Variants in PPP1R14A observed in about 807,000 individuals in gnomAD.
The protein encoded by PPP1R14A is protein phosphatase 1 regulatory inhibitor subunit 14A.
Under a neutral mutation model 14.1 loss-of-function variants are expected in PPP1R14A, and 9 were observed. The ratio of observed to expected loss-of-function variants is 0.64; its 90% CI spans 0.38 to 1.11. The LOEUF (loss-of-function observed/expected upper bound fraction) is 1.11. Among genes scored for constraint, PPP1R14A ranks in the 50% most tolerant of loss-of-function variants. The pLI, the probability that PPP1R14A is intolerant of heterozygous loss-of-function variation, is 0.01. For synonymous variants in PPP1R14A, 93 were observed against 88.7 expected (o/e 1.05, Z -0.27); for missense variants, 208 against 200.7 (o/e 1.04, Z -0.22).
Position 38,252,838 on chromosome 19 carries a change from T to A in PPP1R14A, c.282+56A>T. The A allele has an allele frequency of 3.2e-6, 4 of 1,237,460 alleles. No individual in the cohort carries two copies. The highest frequency in any genetic ancestry group is 4.8e-6 in the Non-Finnish European group (4 of 836,720). 76.7% of individuals were successfully genotyped at this position (1,237,460 alleles called of 1,614,324 possible). A position where few individuals can be genotyped will look rare whatever the true frequency, so the allele number is the denominator to read the frequency against. On this transcript the variant is annotated intron_variant, in intron 2 of 3. Transcript: ENST00000301242. This position sits in a 1 kb window ranked among gnomAD's most constrained non-coding sequence, Gnocchi z 4.1. ...ACTCAGTAAACACGTGAACTATTGC[T>A]ATTATTTTTAGGGAGGTGCAAAGTG...
chr19:38,255,233 C>T (rs568988205), intron 1 of PPP1R14A, among the ~76,000 whole-genome samples: 5 of 152,194 alleles, frequency 3.3e-5, no homozygotes, highest in Non-Finnish European at 7.3e-5. Context: ...AAGCAATCCT[C>T]CCACCTCAGC....
chr19:38,251,945 T>G, intron 3 of PPP1R14A: 1 of 385,034 alleles, frequency 2.6e-6, no homozygotes, highest in Non-Finnish European at 4.7e-6. Context: ...CCTGGGAGGA[T>G]GGAGGGCCCC....
chr19:38,252,352 C>A lies in PPP1R14A; in HGVS notation c.283-14G>T. 1 of 1,612,180 alleles carries A rather than the reference C, an allele frequency of 6.2e-7. No individual in the cohort carries two copies. The highest frequency in any genetic ancestry group is 8.5e-7 in the Non-Finnish European group (1 of 1,179,248). On this transcript the variant is annotated splice_polypyrimidine_tract_variant and intron_variant, in intron 2 of 3. Transcript: ENST00000301242. The surrounding 1 kb of genome is among the most constrained non-coding windows in gnomAD (Gnocchi z 4.1). ...CTTCAGGAGTCCCTAAAACCCCCAA[C>A]CAAGAACAAAACAAAACAGTAAATG...
Position 38,256,177 on chromosome 19 carries a change from A to T in PPP1R14A, c.163T>A (p.Trp55Arg). The change falls in exon 1 of 4, where the codon TGG becomes AGG. Residue 55 changes from tryptophan to arginine, a missense_variant. Physicochemically the swap from Trp to Arg is moderately radical, Grantham distance 101. Transcript: ENST00000301242. The surrounding 1 kb of genome is among the most constrained non-coding windows in gnomAD (Gnocchi z 5.7). Reference sequence around the variant, plus strand: ...AGCTCCTCCAGGCGCCCGTCGATCCACTTCTCCACGTCCAGCCGCCGCTGC... The same window carrying T: ...AGCTCCTCCAGGCGCCCGTCGATCCTCTTCTCCACGTCCAGCCGCCGCTGC... ...ELQRRLDVEK[W>R]IDGRLEELYR... 1 of 1,548,546 alleles carries T rather than the reference A, an allele frequency of 6.5e-7. No homozygotes were observed. The highest frequency in any genetic ancestry group is 1.8e-4 in the Middle Eastern group (1 of 5,708).
Position 38,256,256 on chromosome 19 carries a change from C to A in PPP1R14A, c.84G>T (p.Gly28=). 6.5e-7 allele frequency: 1 copy of A among 1,548,136 alleles called. No individual in the cohort carries two copies. Among genetic ancestry groups the A allele is most frequent in the African/African-American group, 1.4e-5 (1 of 73,770 alleles). Reference sequence around the variant, plus strand: ...CGCGCGCGTGCCGCTTCTGCAGCCCCCCGGGACTGCCCCCTGGCCCGCGGG... The same window carrying A: ...CGCGCGCGTGCCGCTTCTGCAGCCCACCGGGACTGCCCCCTGGCCCGCGGG... ...SRARGPGGSP[G]GLQKRHARVT... The change falls in exon 1 of 4, where the codon GGG becomes GGT. Residue 28 remains glycine, a synonymous_variant. Coordinates refer to ENST00000301242, the MANE Select transcript of PPP1R14A (RefSeq NM_033256.3). This position sits in a 1 kb window ranked among gnomAD's most constrained non-coding sequence, Gnocchi z 5.7.
chr19:38,253,589 C>A (rs1384470955), intron 1 of PPP1R14A, among the ~76,000 whole-genome samples: 2 of 152,134 alleles, frequency 1.3e-5, no homozygotes, highest in Non-Finnish European at 2.9e-5. Flanking sequence ...CTGAGTGTGG[C>A]CTCTACAGGC....
chr19:38,253,142 G>A, intron 1 of PPP1R14A, 168 bp from the exon 2 acceptor site: 1 of 604,564 alleles, frequency 1.7e-6, no homozygotes. Context: ...TGGGTGTTGG[G>A]GGGGAGGGGT....
rs761134721 is a variant in PPP1R14A, at chr19:38,252,248, T to TC, written c.315+57dup. 14 of 1,552,110 alleles carry TC rather than the reference T, an allele frequency of 9.0e-6. No homozygotes were observed. In the African/African-American group the frequency reaches 1.6e-4, roughly 18 times the overall value. ...GACCCTTCTGCCAGCTTCTTCCCCC[T>TC]CCCCCATCAGAGTACTTGGGGCCAG... On this transcript the variant is annotated intron_variant, in intron 3 of 3. Transcript: ENST00000301242. The surrounding 1 kb of genome is among the most constrained non-coding windows in gnomAD (Gnocchi z 4.1).
Position 38,256,119 on chromosome 19 carries a change from CG to C in PPP1R14A, c.201+19del. 1 of 1,533,208 alleles carries C rather than the reference CG, an allele frequency of 6.5e-7. No homozygotes were observed. Among genetic ancestry groups the C allele is most frequent in the Non-Finnish European group, 8.7e-7 (1 of 1,144,610 alleles). The allele number at this position is 1,533,208 out of a possible 1,614,324, so 95.0% of individuals were successfully genotyped here. On this transcript the variant is annotated intron_variant, in intron 1 of 3. Coordinates refer to ENST00000301242, the MANE Select transcript of PPP1R14A (RefSeq NM_033256.3). This position sits in a 1 kb window ranked among gnomAD's most constrained non-coding sequence, Gnocchi z 5.7. ...GGCTCTATCTGTCCCCGACCACCCC[CG>C]AGCCCTCCCCGGGCTCACCATGCCG...
Position 38,252,041 on chromosome 19 carries a change from G to A in PPP1R14A, c.315+265C>T. 1 of 546,898 alleles carries A rather than the reference G, an allele frequency of 1.8e-6. No individual in the cohort carries two copies. Among genetic ancestry groups the A allele is most frequent in the Non-Finnish European group, 3.3e-6 (1 of 305,480 alleles). 33.9% of individuals were successfully genotyped at this position (546,898 alleles called of 1,614,324 possible). A position where few individuals can be genotyped will look rare whatever the true frequency, so the allele number is the denominator to read the frequency against. On this transcript the variant is annotated intron_variant, in intron 3 of 3. Coordinates refer to ENST00000301242, the MANE Select transcript of PPP1R14A (RefSeq NM_033256.3). The surrounding 1 kb of genome is among the most constrained non-coding windows in gnomAD (Gnocchi z 4.1). ...CTGAGCCCGAAGGCTGGTGGCCAAA[G>A]GACAGGCACAGGAGAGGCAAAAACA...
intron 1 of PPP1R14A, 70 bp from the exon 2 acceptor site, chr19:38,253,044 C>T: frequency 1.6e-6 from 2 of 1,265,270 alleles, no homozygotes; most frequent in African/African-American, 1.5e-5. Flanking sequence ...CAGGGCTCTG[C>T]AGGAGCCCCA....
At chr19:38,251,970 G>T in intron 3 of PPP1R14A, 1 of 424,216 alleles carries the variant, frequency 2.4e-6, no homozygotes, top group Non-Finnish European at 4.2e-6. Context: ...GGTGGGGAAG[G>T]GAGCCCGGGG....
Position 38,256,214 on chromosome 19 carries a change from G to A in PPP1R14A, c.126C>T (p.Asp42=), listed in dbSNP as rs528192133. 6 of 1,555,656 alleles carry A rather than the reference G, an allele frequency of 3.9e-6. No individual in the cohort carries two copies. The South Asian group carries it at 5.9e-5, about 15-fold the overall frequency. The change falls in exon 1 of 4, where the codon GAC becomes GAT. Residue 42 remains aspartate (D), a synonymous_variant. Transcript: ENST00000301242. This position sits in a 1 kb window ranked among gnomAD's most constrained non-coding sequence, Gnocchi z 5.7. ...CCAGCCGCCGCTGCAGCTCCCGCCGGTCATACTTGACGGTGACGCGCGCGT... is the reference window on the plus strand; with the variant it reads ...CCAGCCGCCGCTGCAGCTCCCGCCGATCATACTTGACGGTGACGCGCGCGT... The part of the protein sequence containing the change: ...KRHARVTVKY[D]RRELQRRLDV...
chr19:38,253,060 C>A (rs1233203539), intron 1 of PPP1R14A, 86 bp from the exon 2 acceptor site: 2 of 1,045,296 alleles, frequency 1.9e-6, no homozygotes, highest in Non-Finnish European at 2.9e-6. Context: ...CCCCACCGGC[C>A]CCAGGGCCCA....
chr19:38,252,399 G>A lies in PPP1R14A; in HGVS notation c.283-61C>T. ...AATGACTAACACCTACTCCCCTCCA[G>A]CCCCTTCCCTTTCCCAAAAGGCCCC... On this transcript the variant is annotated intron_variant, in intron 2 of 3. Coordinates refer to ENST00000301242, the MANE Select transcript of PPP1R14A (RefSeq NM_033256.3). This position sits in a 1 kb window ranked among gnomAD's most constrained non-coding sequence, Gnocchi z 4.1. 6.5e-7 allele frequency: 1 copy of A among 1,541,950 alleles called. No individual in the cohort carries two copies. Among genetic ancestry groups the A allele is most frequent in the Non-Finnish European group, 8.9e-7 (1 of 1,124,178 alleles).
intron 1 of PPP1R14A, among the ~76,000 whole-genome samples, chr19:38,254,283 C>G (rs1968222110): frequency 1.3e-5 from 2 of 152,112 alleles, no homozygotes. Flanking sequence ...GCCTGAGCAA[C>G]ATAGCGAGGC....
rs775535075 is a variant in PPP1R14A at position 38,252,270 on chromosome 19, C to G, written c.315+36G>C. ...CCCTCCCCCATCAGAGTACTTGGGG[C>G]CAGAACAGGGAGAGAATGAGGGAGA... On this transcript the variant is annotated intron_variant, in intron 3 of 3. Coordinates refer to ENST00000301242, the MANE Select transcript of PPP1R14A (RefSeq NM_033256.3). This position sits in a 1 kb window ranked among gnomAD's most constrained non-coding sequence, Gnocchi z 4.1. 1.9e-6 allele frequency: 3 copies of G among 1,604,852 alleles called. No individual in the cohort carries two copies. Among genetic ancestry groups the G allele is most frequent in the Non-Finnish European group, 2.6e-6 (3 of 1,174,600 alleles).
intron 1 of PPP1R14A, chr19:38,253,181 C>T (rs1305068418): frequency 2.6e-5 from 14 of 544,568 alleles, no homozygotes. Flanking sequence ...GCCCCGGGGC[C>T]CTGTACCAGC....
chr19:38,252,624 T>C lies in PPP1R14A; in HGVS notation c.282+270A>G, dbSNP rs566071586. ...GCAAAGACATGGCTGCCAAACTGCC[T>C]GGGTTCGATGCCCAGCTCTGCTCCT... On this transcript the variant is annotated intron_variant, in intron 2 of 3. Coordinates refer to ENST00000301242, the MANE Select transcript of PPP1R14A (RefSeq NM_033256.3). The surrounding 1 kb of genome is among the most constrained non-coding windows in gnomAD (Gnocchi z 4.1). 3.9e-5 allele frequency among the ~76,000 whole-genome samples: 6 copies of C among 152,206 alleles called. No homozygotes were observed. In the South Asian group the frequency reaches 1.2e-3, roughly 32 times the overall value.
Sources: gnomAD v4.1 joint callset for allele counts (sites outside exome capture counted in the v4.1 genomes callset) on GRCh38, gnomAD v4.1.1 for gene constraint, Gnocchi (gnomAD v3.1) non-coding constraint, MANE v1.5 for transcripts, NCBI Gene and HGNC (gene_info 2026-07-23, HGNC 2026-07-21) for gene names.